Variants in SPAG16 observed in about 807,000 individuals in gnomAD.
SPAG16 encodes sperm associated antigen 16, also known as sperm-associated antigen 16 protein.
SPAG16 carries 86 observed loss-of-function variants against 80.4 expected under a neutral mutation model. That is an observed-to-expected ratio of 1.07 (90% CI 0.90 to 1.28). SPAG16 has a LOEUF of 1.28. Among genes scored for constraint, SPAG16 ranks in the 50% most tolerant of loss-of-function variants. The pLI is 0.00. For missense variants in SPAG16, 870 were observed against 765.3 expected (o/e 1.14, Z -1.61); for synonymous variants, 294 against 265.9 (o/e 1.11, Z -1.03).
In SPAG16 at chr2:213,640,859, T is replaced by G. The variant is rs553274555; in HGVS notation, c.1070+150769T>G. 5.9e-5 allele frequency among the ~76,000 whole-genome samples: 9 copies of G among 152,328 alleles called. No homozygotes were observed. The South Asian group carries it at 1.7e-3, about 28-fold the overall frequency. ...TTCTGTTATGACTTGCTGTAATGGC[T>G]TGAGTTGGTTGGCCTTCATCCATGA... On this transcript the variant is annotated intron_variant, in intron 10 of 15. Coordinates refer to ENST00000331683, the MANE Select transcript of SPAG16 (RefSeq NM_024532.5).
chr2:213,743,176 T>A (rs898407342), intron 10 of SPAG16, among the ~76,000 whole-genome samples: 72 of 152,360 alleles, frequency 4.7e-4, no homozygotes, highest in African/African-American at 1.7e-3. Flanking sequence ...GTGCTGGGAT[T>A]ACAGGCGTGA....
chr2:214,053,399 G>C (rs1278703616), intron 13 of SPAG16, among the ~76,000 whole-genome samples: 1 of 152,168 alleles, frequency 6.6e-6, no homozygotes, highest in Non-Finnish European at 1.5e-5. Flanking sequence ...TTTTAGATGA[G>C]AATGGGTATG....
chr2:213,686,181 C>G (rs1005336885), intron 10 of SPAG16, among the ~76,000 whole-genome samples: 26 of 152,104 alleles, frequency 1.7e-4, no homozygotes, highest in African/African-American at 6.0e-4. Context: ...TGCAGTGGTG[C>G]GATCTTGGCT....
At chr2:214,016,465 T>C (rs1224411884) in intron 13 of SPAG16, among the ~76,000 whole-genome samples, 4 of 152,142 alleles carry the variant, frequency 2.6e-5, no homozygotes, top group Non-Finnish European at 5.9e-5. Context: ...TTATTACAAT[T>C]CAGGGTGAGA....
intron 13 of SPAG16, among the ~76,000 whole-genome samples, chr2:214,049,848 CT>C (rs869129962): frequency 3.9e-5 from 6 of 152,008 alleles, no homozygotes; most frequent in African/African-American, 1.2e-4. Flanking sequence ...AAAGGTTAAA[CT>C]TTTTTAAAAA....
intron 9 of SPAG16, among the ~76,000 whole-genome samples, chr2:213,446,268 A>G (rs2071305103): frequency 6.6e-6 from 1 of 152,220 alleles, no homozygotes; most frequent in Admixed American, 6.5e-5. Flanking sequence ...GAAATGACAG[A>G]CATTGGTTCA....
intron 10 of SPAG16, among the ~76,000 whole-genome samples, chr2:213,515,167 A>G (rs536621681): frequency 7.9e-5 from 12 of 151,730 alleles, no homozygotes; most frequent in African/African-American, 2.7e-4. Flanking sequence ...GTACGTATGT[A>G]TATATATATA....
chr2:213,626,393 A>C (rs1462910183), intron 10 of SPAG16, among the ~76,000 whole-genome samples: 3 of 152,174 alleles, frequency 2.0e-5, no homozygotes, highest in African/African-American at 7.2e-5. Context: ...AGCTGCAGTA[A>C]AGGCAGTAAT....
chr2:214,114,410 TTTGTTCAGCTATGCC>T (rs2053828594), intron 14 of SPAG16, among the ~76,000 whole-genome samples: 1 of 152,182 alleles, frequency 6.6e-6, no homozygotes, highest in Admixed American at 6.5e-5. Context: ...TCTGCTGCCT[TTTGTTCAGCTATGCC>T]TTGCCCACAG....
intron 15 of SPAG16, among the ~76,000 whole-genome samples, chr2:214,220,719 C>A (rs914108117): frequency 6.6e-6 from 1 of 152,104 alleles, no homozygotes; most frequent in African/African-American, 2.4e-5. Context: ...AAATAATAAA[C>A]CCCCAACAAG....
intron 10 of SPAG16, among the ~76,000 whole-genome samples, chr2:213,615,527 G>T (rs568347919): frequency 6.6e-6 from 1 of 152,130 alleles, no homozygotes; most frequent in Non-Finnish European, 1.5e-5. Flanking sequence ...AGAGGCGGAG[G>T]TTGCAGCGAG....
chr2:213,702,425 C>T (rs374938982), intron 10 of SPAG16, among the ~76,000 whole-genome samples: 12 of 152,288 alleles, frequency 7.9e-5, no homozygotes, highest in South Asian at 4.1e-4. Context: ...ACACTCACCG[C>T]GAAGGTCTGC....
At chr2:213,920,772 C>T (rs1234286209) in intron 11 of SPAG16, among the ~76,000 whole-genome samples, 1 of 152,236 alleles carries the variant, frequency 6.6e-6, no homozygotes. Flanking sequence ...ATAATGTCTC[C>T]TGTGGTAGCA....
intron 9 of SPAG16, among the ~76,000 whole-genome samples, chr2:213,435,509 C>T (rs1445418380): frequency 6.6e-6 from 1 of 152,078 alleles, no homozygotes; most frequent in Non-Finnish European, 1.5e-5. Context: ...TGTAACAAAA[C>T]TGCACGTGTA....
intron 14 of SPAG16, among the ~76,000 whole-genome samples, chr2:214,144,966 A>T (rs557591421): frequency 6.6e-6 from 1 of 152,056 alleles, no homozygotes; most frequent in Non-Finnish European, 1.5e-5. Context: ...TTATGTTACT[A>T]TATAATATTT....
intron 13 of SPAG16, among the ~76,000 whole-genome samples, chr2:214,067,479 G>A (rs2050585209): frequency 6.6e-6 from 1 of 152,026 alleles, no homozygotes; most frequent in Non-Finnish European, 1.5e-5. Context: ...AAATATGTGG[G>A]ACACTGGTCC....
intron 15 of SPAG16, among the ~76,000 whole-genome samples, chr2:214,167,597 A>G (rs2056709298): frequency 6.6e-6 from 1 of 152,150 alleles, no homozygotes; most frequent in South Asian, 2.1e-4. Context: ...TCCCTTCTAT[A>G]TGCCCACAGG....
chr2:213,762,164 T>C (rs2068699888), intron 10 of SPAG16, among the ~76,000 whole-genome samples: 1 of 152,132 alleles, frequency 6.6e-6, no homozygotes, highest in South Asian at 2.1e-4. Flanking sequence ...TAGTCAAAAC[T>C]GTAAAGCCAA....
chr2:213,798,070 T>C (rs907414805), intron 10 of SPAG16, among the ~76,000 whole-genome samples: 5 of 152,222 alleles, frequency 3.3e-5, no homozygotes, highest in Non-Finnish European at 2.9e-5. Context: ...TACTCCTGAG[T>C]ACCTTCTCAT....
Sources: allele counts gnomAD v4.1 joint callset (sites outside exome capture counted in the v4.1 genomes callset), GRCh38; gene constraint gnomAD v4.1.1; transcripts MANE v1.5; gene names NCBI Gene and HGNC (gene_info 2026-07-23, HGNC 2026-07-21).